Variants in TTN observed in about 807,000 individuals in gnomAD.
TTN encodes the protein connectin.
Under a neutral mutation model 3,223.0 loss-of-function variants are expected in TTN, and 1,525 were observed. The observed-to-expected ratio is 0.47, with a 90% CI of 0.45 to 0.49. The LOEUF (loss-of-function observed/expected upper bound fraction) is 0.49. Ranked by LOEUF, TTN falls within the 20% of genes least tolerant of loss-of-function variation. The probability of loss-of-function intolerance (pLI) is 0.00; values close to 1 mark genes in which losing one functional copy is unlikely to be tolerated. For missense variants in TTN, 40,786 were observed against 43,424.0 expected (o/e 0.94, Z 5.40); for synonymous variants, 14,094 against 15,161.0 (o/e 0.93, Z 5.17).
At chr2:178,780,564 G>A (rs1038340707) in intron 21 of TTN, among the ~76,000 whole-genome samples, 2 of 152,218 alleles carry the variant, frequency 1.3e-5, no homozygotes, top group Non-Finnish European at 2.9e-5. Flanking sequence ...TCCTCTAAGG[G>A]ATACTGTGTA....
Position 178,740,242 on chromosome 2 carries a change from G to A in TTN, c.12991C>T (p.Pro4331Ser), listed in dbSNP as rs1002032413. 1.2e-6 allele frequency: 2 copies of A among 1,613,572 alleles called. No homozygotes were observed. The highest frequency in any genetic ancestry group is 1.7e-6 in the Non-Finnish European group (2 of 1,179,808). ...RIEEGKSLRF[P>S]LALEEKQVLL... The stretch of plus-strand genomic sequence containing the variant: ...ACCTGCTTTTCTTCAAGTGCTAGTG[G>A]AAATCTTAAGGACTTGCCTTCCTCA... Residue 4331 changes from proline to serine, a missense_variant, in exon 48 of 363, where the codon CCA (proline) becomes TCA (serine). Transcript: ENST00000589042.
At position 178,709,691 on chromosome 2, in the gene TTN, G is replaced by A. The variant is rs752853962; in HGVS notation, c.28628C>T (p.Thr9543Ile). 6 of 1,613,872 alleles carry A rather than the reference G, an allele frequency of 3.7e-6. No individual in the cohort carries two copies. The highest frequency in any genetic ancestry group is 5.1e-6 in the Non-Finnish European group (6 of 1,179,826). The change falls in exon 99 of 363, where the codon ACA becomes ATA. Residue 9543 changes from threonine to isoleucine, a missense_variant. Coordinates refer to ENST00000589042, the MANE Select transcript of TTN (RefSeq NM_001267550.2). ...EIQPTSNCEITFKNNTLVLQV... is the reference protein window; with the variant it reads ...EIQPTSNCEIIFKNNTLVLQV... ...CAGCACTAACGTGTTGTTCTTGAAT[G>A]TTATTTCACAGTTAGAAGTTGGTTG... is the stretch of plus-strand genomic sequence containing the variant.
At position 178,794,698 on chromosome 2, in the gene TTN, C is replaced by G. The variant is rs1574924399; in HGVS notation, c.1246-147G>C. 1.4e-5 allele frequency: 16 copies of G among 1,115,364 alleles called. No homozygotes were observed. The East Asian group carries it at 4.0e-4, about 28-fold the overall frequency. 69.1% of individuals were successfully genotyped at this position (1,115,364 alleles called of 1,614,324 possible). On this transcript the variant is annotated intron_variant, in intron 7 of 362. Coordinates refer to ENST00000589042, the MANE Select transcript of TTN (RefSeq NM_001267550.2). ...TTGCCAAGAAATACAGAGACTGTAT[C>G]ATTAAAACCTGTATATTATGGAAAC...
Position 178,591,112 on chromosome 2 carries a change from T to C in TTN, c.60613A>G (p.Ile20205Val), listed in dbSNP as rs1278691474. The C allele has an allele frequency of 1.2e-6, 2 of 1,613,158 alleles. No individual in the cohort carries two copies. The highest frequency in any genetic ancestry group is 1.7e-5 in the Admixed American group (1 of 59,944). ...PPKDDGGSPV[I>V]NYIVEKQDTR... ...TCTTGTTTCTCAACAATATAATTTA[T>C]CACAGGGCTTCCTCCATCATCCTTA... The change falls in exon 304 of 363, where the codon ATA (isoleucine) becomes GTA (valine). Residue 20205 changes from isoleucine (I) to valine (V), a missense_variant. Ile to Val is a conservative substitution (Grantham distance 29). Transcript: ENST00000589042.
chr2:178,644,498 T>A, intron 218 of TTN, 50 bp downstream of exon 218: 1 of 1,343,590 alleles, frequency 7.4e-7, no homozygotes. Context: ...GAGCAAGGAG[T>A]CAGGTAAAGG....
intron 8 of TTN, among the ~76,000 whole-genome samples, chr2:178,793,748 G>A (rs543371010): frequency 2.8e-4 from 42 of 152,204 alleles, no homozygotes; most frequent in Non-Finnish European, 5.1e-4. Context: ...TGCAGTGAGC[G>A]GAGGTCATGC....
chr2:178,543,708 C>T, intron 346 of TTN, 46 bp from the exon 347 acceptor site: 1 of 1,504,702 alleles, frequency 6.6e-7, no homozygotes, highest in Non-Finnish European at 8.9e-7. Context: ...TGCCTGATAG[C>T]TTTTTTTTTC....
chr2:178,600,727 A>G, intron 288 of TTN, 127 bp downstream of exon 288: 1 of 1,080,792 alleles, frequency 9.3e-7, no homozygotes. Context: ...TAATGTGCCC[A>G]TGTCTACATT....
intron 138 of TTN, among the ~76,000 whole-genome samples, chr2:178,680,700 A>G (rs1171352035): frequency 6.6e-6 from 1 of 152,096 alleles, no homozygotes; most frequent in Non-Finnish European, 1.5e-5. Flanking sequence ...TTAGCTTTAA[A>G]AAAAATCTTC....
chr2:178,679,856 A>C, intron 140 of TTN, 38 bp downstream of exon 140: 1 of 1,605,416 alleles, frequency 6.2e-7, no homozygotes, highest in Non-Finnish European at 8.5e-7. Context: ...AACTCCAAAG[A>C]TGCTGTTGCA....
Position 178,588,306 on chromosome 2 carries a change from A to G in TTN, c.63188-87T>C, listed in dbSNP as rs1232836139. 2.3e-6 allele frequency: 3 copies of G among 1,296,602 alleles called. No individual in the cohort carries two copies. In the East Asian group the frequency reaches 7.5e-5, roughly 33 times the overall value. The allele number at this position is 1,296,602 out of a possible 1,614,324, so 80.3% of individuals were successfully genotyped here. ...ATAGCCTATTCTCAGTTAATCAAAT[A>G]TAGGTCATCCAATTTTTCAATTAGT... On this transcript the variant is annotated intron_variant, in intron 304 of 362. Coordinates refer to ENST00000589042, the MANE Select transcript of TTN (RefSeq NM_001267550.2).
Position 178,719,266 on chromosome 2 carries a change from A to G in TTN, c.24124T>C (p.Leu8042=). ...QSSFSENVCT[L]NLSLLEPSDT... ...GAGGGCTCCAACAAGCTCAGATTCAAAGTACAGACGTTTTCCGAAAAGCTG... is the reference window on the plus strand; with the variant it reads ...GAGGGCTCCAACAAGCTCAGATTCAGAGTACAGACGTTTTCCGAAAAGCTG... The change falls in exon 83 of 363, where the codon TTG becomes CTG. Residue 8042 remains leucine (L), a synonymous_variant. Coordinates refer to ENST00000589042, the MANE Select transcript of TTN (RefSeq NM_001267550.2). The G allele has an allele frequency of 6.2e-7, 1 of 1,613,764 alleles. No homozygotes were observed. Among genetic ancestry groups the G allele is most frequent in the Non-Finnish European group, 8.5e-7 (1 of 1,179,736 alleles).
intron 132 of TTN, 23 bp from the exon 133 acceptor site, chr2:178,684,105 A>G (rs377137628): frequency 6.2e-7 from 1 of 1,610,338 alleles, no homozygotes; most frequent in Non-Finnish European, 8.5e-7. Flanking sequence ...ATTTCACTTT[A>G]AAGTATTGTT....
At chr2:178,718,265 TA>T in intron 85 of TTN, 44 bp from the exon 86 acceptor site, 1 of 1,595,328 alleles carries the variant, frequency 6.3e-7, no homozygotes, top group Non-Finnish European at 8.5e-7. Context: ...TCATGCCATG[TA>T]AAAGAGGATG....
At chr2:178,674,535 T>C (rs2067634302) in intron 150 of TTN, 126 bp from the exon 151 acceptor site, 1 of 493,464 alleles carries the variant, frequency 2.0e-6, no homozygotes, top group African/African-American at 2.0e-5. Flanking sequence ...CCTTAAAAAA[T>C]CTCTACTGGG....
chr2:178,654,261 T>A lies in TTN; in HGVS notation c.38327A>T (p.Glu12776Val), dbSNP rs1337376851. The change falls in exon 193 of 363, where the codon GAA becomes GTA. Residue 12776 changes from glutamate (E) to valine (V), a missense_variant. Physicochemically the swap from Glu to Val is moderately radical, Grantham distance 121 (BLOSUM62 -2). Transcript: ENST00000589042. Reference protein sequence around the residue: ...VPEAPKEVVLEKKVSVAVPKK... With the variant: ...VPEAPKEVVLVKKVSVAVPKK... ...GGGCACAGCCACAGATACTTTCTTT[T>A]CAAGTACAACTTCTTTAGGAGCTTC... 3 of 1,600,208 alleles carry A rather than the reference T, an allele frequency of 1.9e-6. No homozygotes were observed. Among genetic ancestry groups the A allele is most frequent in the Non-Finnish European group, 1.7e-6 (2 of 1,177,798 alleles).
At position 178,604,080 on chromosome 2, in the gene TTN, G is replaced by C; in HGVS notation, c.54607C>G (p.Leu18203Val). The C allele has an allele frequency of 6.2e-7, 1 of 1,612,762 alleles. No individual in the cohort carries two copies. The highest frequency in any genetic ancestry group is 8.5e-7 in the Non-Finnish European group (1 of 1,179,124). The change falls in exon 282 of 363, where the codon CTG (leucine) becomes GTG (valine). Residue 18203 changes from leucine (L) to valine (V), a missense_variant. By Grantham distance (32) the Leu-to-Val change is conservative (BLOSUM62 1). Transcript: ENST00000589042. Reference protein sequence around the residue: ...NGGSPITGYWLEKREEGSPYW... With the variant: ...NGGSPITGYWVEKREEGSPYW... ...GGACTTCCCTCTTCTCTTTTCTCCA[G>C]CCAGTAGCCAGTAATTGGAGAGCCA...
intron 47 of TTN, chr2:178,748,350 T>C (rs1560994561): frequency 2.5e-6 from 4 of 1,613,164 alleles, no homozygotes; most frequent in Admixed American, 1.7e-5. Flanking sequence ...ATAGTTCTAT[T>C]TGAAAGCTCT....
rs1553594441 is a variant in TTN at position 178,567,495 on chromosome 2, G to A, written c.78637C>T (p.Leu26213Phe). 6.2e-6 allele frequency: 10 copies of A among 1,613,058 alleles called. No individual in the cohort carries two copies. The highest frequency in any genetic ancestry group is 8.5e-6 in the Non-Finnish European group (10 of 1,179,484). Residue 26213 changes from leucine (L) to phenylalanine (F), a missense_variant, in exon 326 of 363, where the codon CTT becomes TTT. Coordinates refer to ENST00000589042, the MANE Select transcript of TTN (RefSeq NM_001267550.2). Reference sequence around the variant, plus strand: ...GGCTTTCCATGGACATCAGCCTCAAGTCTGAATGTTTCTCCAGCATTTACC... The same window carrying A: ...GGCTTTCCATGGACATCAGCCTCAAATCTGAATGTTTCTCCAGCATTTACC... ...IVVNAGETFRLEADVHGKPLP... is the reference protein window; with the variant it reads ...IVVNAGETFRFEADVHGKPLP...
Sources: gnomAD v4.1 joint callset for allele counts (sites outside exome capture counted in the v4.1 genomes callset) on GRCh38, gnomAD v4.1.1 for gene constraint, MANE v1.5 for transcripts, NCBI Gene and HGNC (gene_info 2026-07-23, HGNC 2026-07-21) for gene names.